Variants in FBXL20 observed in about 807,000 individuals in gnomAD.
FBXL20 encodes the protein F-box and leucine rich repeat protein 20, also known as F-box/LRR-repeat protein 20.
In FBXL20, 11 loss-of-function variants were observed where a neutral mutation model predicts 64.0. That is an observed-to-expected ratio of 0.17 (90% CI 0.11 to 0.28). The LOEUF (loss-of-function observed/expected upper bound fraction) is 0.28, where lower values mean the gene tolerates loss of function less well. FBXL20 is among the 10% of genes least tolerant of loss of function. FBXL20 has a pLI of 1.00. For missense variants in FBXL20, 303 were observed against 526.2 expected (o/e 0.58, Z 4.15); for synonymous variants, 184 against 189.0 (o/e 0.97, Z 0.22).
At chr17:39,274,723 G>A (rs749621695) in intron 10 of FBXL20, among the ~76,000 whole-genome samples, 8 of 152,138 alleles carry the variant, frequency 5.3e-5, no homozygotes, top group Non-Finnish European at 1.0e-4. Context: ...GTAATAAAAT[G>A]TTGATTCTTT....
At chr17:39,383,001 A>C (rs891760954) in intron 1 of FBXL20, among the ~76,000 whole-genome samples, 1 of 141,306 alleles carries the variant, frequency 7.1e-6, no homozygotes, top group African/African-American at 2.7e-5. Flanking sequence ...CTAAAAATAC[A>C]AAAAAAAAAA....
chr17:39,358,154 G>A (rs1185563045), intron 1 of FBXL20, among the ~76,000 whole-genome samples: 4 of 152,136 alleles, frequency 2.6e-5, no homozygotes, highest in Non-Finnish European at 5.9e-5. Context: ...TGATGTCCAA[G>A]GAAAAGAGAA....
intron 1 of FBXL20, among the ~76,000 whole-genome samples, chr17:39,400,678 T>C (rs1018085472): frequency 6.6e-6 from 1 of 152,190 alleles, no homozygotes; most frequent in Non-Finnish European, 1.5e-5. Context: ...TAAACCTCCC[T>C]CGCTAGAGGA....
intron 1 of FBXL20, among the ~76,000 whole-genome samples, chr17:39,389,239 T>C (rs1280187091): frequency 6.6e-6 from 1 of 151,978 alleles, no homozygotes; most frequent in African/African-American, 2.4e-5. Flanking sequence ...TTCATGATAA[T>C]GTACAAGGAA....
At chr17:39,315,406 T>TA (rs2047277110) in intron 2 of FBXL20, among the ~76,000 whole-genome samples, 1 of 148,914 alleles carries the variant, frequency 6.7e-6, no homozygotes, top group South Asian at 2.1e-4. Context: ...TATATATATA[T>TA]ATATATAGTA....
intron 14 of FBXL20, among the ~76,000 whole-genome samples, chr17:39,263,669 G>A (rs1227131794): frequency 6.6e-6 from 1 of 152,196 alleles, no homozygotes. Context: ...TCCTGCCTGG[G>A]CAACAGAGTG....
chr17:39,324,815 T>G (rs2047395275), intron 2 of FBXL20, among the ~76,000 whole-genome samples: 1 of 152,186 alleles, frequency 6.6e-6, no homozygotes. Flanking sequence ...AATCTCCAGA[T>G]GAAGATGAAA....
intron 2 of FBXL20, among the ~76,000 whole-genome samples, chr17:39,319,611 G>A (rs2047331990): frequency 1.3e-5 from 2 of 150,116 alleles, no homozygotes; most frequent in South Asian, 4.2e-4. Context: ...CTTGAACCTG[G>A]GAGGCAGAGG....
intron 1 of FBXL20, among the ~76,000 whole-genome samples, chr17:39,397,581 G>A (rs1210053636): frequency 6.6e-6 from 1 of 152,070 alleles, no homozygotes; most frequent in Non-Finnish European, 1.5e-5. Flanking sequence ...GCAAATCTAA[G>A]CTTAGATTCA....
intron 2 of FBXL20, among the ~76,000 whole-genome samples, chr17:39,338,435 AG>A (rs1474546879): frequency 2.6e-5 from 4 of 152,146 alleles, no homozygotes; most frequent in African/African-American, 9.7e-5. Flanking sequence ...GGAAAACCAG[AG>A]ACCTTTGTTC....
At chr17:39,340,786 C>A (rs1327391609) in intron 2 of FBXL20, among the ~76,000 whole-genome samples, 1 of 151,930 alleles carries the variant, frequency 6.6e-6, no homozygotes, top group East Asian at 1.9e-4. Flanking sequence ...GAGGCATCTA[C>A]TGTTCCAGTC....
At chr17:39,360,370 A>G (rs749630868) in intron 1 of FBXL20, among the ~76,000 whole-genome samples, 10 of 152,218 alleles carry the variant, frequency 6.6e-5, no homozygotes, top group Non-Finnish European at 1.5e-4. Flanking sequence ...GTACACTTGA[A>G]ATTGCTTTAC....
intron 1 of FBXL20, among the ~76,000 whole-genome samples, chr17:39,363,051 G>A (rs993864093): frequency 3.3e-5 from 5 of 151,560 alleles, no homozygotes; most frequent in African/African-American, 1.2e-4. Flanking sequence ...CCAGGCTGGA[G>A]TGCAATGGCA....
chr17:39,401,723 AG>A, upstream of FBXL20: 1 of 597,058 alleles, frequency 1.7e-6, no homozygotes, highest in Non-Finnish European at 2.1e-6. Context: ...AGCGCCCGGG[AG>A]GGGGAGGGGC....
chr17:39,272,701 CAAAAAAAAAA>C (rs56138431), intron 10 of FBXL20, among the ~76,000 whole-genome samples: 2 of 98,880 alleles, frequency 2.0e-5, no homozygotes, highest in African/African-American at 7.4e-5. Flanking sequence ...AACTCTATCT[CAAAAAAAAAA>C]AAAAAAAAAA....
At chr17:39,321,788 A>C (rs575720704) in intron 2 of FBXL20, among the ~76,000 whole-genome samples, 5 of 151,914 alleles carry the variant, frequency 3.3e-5, no homozygotes, top group African/African-American at 1.2e-4. Context: ...CTCAAAAAAA[A>C]AAAAAAAAAC....
chr17:39,350,351 T>C (rs2047676067), intron 1 of FBXL20, among the ~76,000 whole-genome samples: 3 of 151,996 alleles, frequency 2.0e-5, no homozygotes, highest in Admixed American at 2.0e-4. Flanking sequence ...TAGCCAGGCA[T>C]GGTGTTGCAT....
chr17:39,339,117 G>A (rs190571180), intron 2 of FBXL20, among the ~76,000 whole-genome samples: 8 of 140,456 alleles, frequency 5.7e-5, no homozygotes, highest in Admixed American at 7.6e-5. Context: ...ACAGTGAGCC[G>A]AGATCATGCC....
intron 2 of FBXL20, among the ~76,000 whole-genome samples, chr17:39,305,127 AAAAACAGCAATG>A (rs1333338133): frequency 6.6e-6 from 1 of 152,212 alleles, no homozygotes; most frequent in Non-Finnish European, 1.5e-5. Flanking sequence ...ATAAAGCCTA[AAAAACAGCAATG>A]AAAAATGTTA....
Sources: allele counts gnomAD v4.1 joint callset (sites outside exome capture counted in the v4.1 genomes callset), GRCh38; gene constraint gnomAD v4.1.1; transcripts MANE v1.5; gene names NCBI Gene and HGNC (gene_info 2026-07-23, HGNC 2026-07-21).